C5orf47: variants seen among roughly 807,000 people sequenced by gnomAD.
C5orf47 encodes uncharacterized protein C5orf47.
A neutral mutation model predicts 20.6 loss-of-function variants in C5orf47; 20 were observed. That is an observed-to-expected ratio of 0.97 (90% CI 0.68 to 1.41). The LOEUF is 1.41. Ranked by LOEUF, C5orf47 falls within the 40% of genes most tolerant of loss-of-function variation. The pLI is 0.00. For synonymous variants in C5orf47, 106 were observed against 97.3 expected (o/e 1.09, Z -0.53); for missense variants, 262 against 238.4 (o/e 1.10, Z -0.65).
chr5:173,991,704 G>T (rs1215066877), intron 1 of C5orf47, among the ~76,000 whole-genome samples: 4 of 152,074 alleles, frequency 2.6e-5, no homozygotes, highest in African/African-American at 9.7e-5. Context: ...TACAGTGTTG[G>T]ATTCTGCTAA....
At chr5:174,001,945 TTC>T (rs1189129455) in intron 4 of C5orf47, among the ~76,000 whole-genome samples, 1 of 148,130 alleles carries the variant, frequency 6.8e-6, no homozygotes, top group Non-Finnish European at 1.5e-5. Flanking sequence ...GTTATCTTTT[TTC>T]TTTTTTTTTT....
downstream of C5orf47, among the ~76,000 whole-genome samples, chr5:174,009,268 G>T (rs1333939159): frequency 3.4e-5 from 5 of 146,882 alleles, no homozygotes; most frequent in Non-Finnish European, 3.1e-5. Context: ...TAAGAAAACG[G>T]AATGATGGCC....
chr5:173,994,827 G>GTTTTT (rs780338195), intron 1 of C5orf47, among the ~76,000 whole-genome samples: 2 of 152,002 alleles, frequency 1.3e-5, no homozygotes, highest in South Asian at 4.1e-4. Context: ...TTTTGTTTTT[G>GTTTTT]TTTTGAGACA....
In C5orf47 at chr5:173,989,586, C is replaced by T; in HGVS notation, c.323C>T (p.Ala108Val). ...AGCGGCACCAGACAGTCGGCGCGTG[C>T]AGGTGGTGCAGCGGGGCAGGGCGGG... ...VQSGTRQSAR[A>V]GLIQKDAAKK... is the part of the protein sequence containing the mutation. Residue 108 changes from alanine (A) to valine (V), a missense_variant and splice_region_variant, in exon 1 of 5, where the codon GCA (alanine) becomes GTA (valine). By Grantham distance (64) the Ala-to-Val change is moderately conservative (BLOSUM62 0). Transcript: ENST00000340147. The T allele has an allele frequency of 6.9e-7, 1 of 1,442,916 alleles. No homozygotes were observed. Among genetic ancestry groups the T allele is most frequent in the Non-Finnish European group, 9.1e-7 (1 of 1,098,710 alleles). 89.4% of individuals were successfully genotyped at this position (1,442,916 alleles called of 1,614,324 possible). A position where few individuals can be genotyped will look rare whatever the true frequency, so the allele number is the denominator to read the frequency against.
At chr5:173,994,246 A>G (rs1759050066) in intron 1 of C5orf47, among the ~76,000 whole-genome samples, 1 of 152,186 alleles carries the variant, frequency 6.6e-6, no homozygotes. Flanking sequence ...GGTGCATCTC[A>G]TCGATTTGCA....
intron 4 of C5orf47, among the ~76,000 whole-genome samples, chr5:174,003,946 C>G (rs1759242090): frequency 6.6e-6 from 1 of 152,156 alleles, no homozygotes; most frequent in Non-Finnish European, 1.5e-5. Flanking sequence ...AGTGTCTAGG[C>G]AATGGCCTTG....
intron 1 of C5orf47, 77 bp from the exon 2 acceptor site, chr5:173,998,076 A>C: frequency 1.2e-6 from 1 of 868,054 alleles, no homozygotes; most frequent in Non-Finnish European, 1.8e-6. Flanking sequence ...GACCTCAAGA[A>C]ACATTTATAT....
intron 2 of C5orf47, among the ~76,000 whole-genome samples, chr5:173,999,433 A>T (rs1296302600): frequency 1.3e-5 from 2 of 152,188 alleles, no homozygotes; most frequent in Non-Finnish European, 2.9e-5. Context: ...CTTTATAGTC[A>T]TTGCCTTTGA....
At chr5:174,000,421 A>C (rs1759174902) in intron 3 of C5orf47, among the ~76,000 whole-genome samples, 1 of 152,156 alleles carries the variant, frequency 6.6e-6, no homozygotes, top group South Asian at 2.1e-4. Flanking sequence ...AAGTTGGATA[A>C]AATTTATGTA....
At chr5:174,007,410 A>G (rs1405543464), downstream of C5orf47, among the ~76,000 whole-genome samples, 1 of 152,182 alleles carries the variant, frequency 6.6e-6, no homozygotes, top group Non-Finnish European at 1.5e-5. Flanking sequence ...GACAGTTGCC[A>G]TTGTTAGAGC....
intron 2 of C5orf47, 121 bp downstream of exon 2, chr5:173,998,359 C>A (rs755251777): frequency 3.5e-6 from 2 of 570,132 alleles, no homozygotes; most frequent in African/African-American, 1.9e-5. Context: ...ATTTAATTTT[C>A]TGAAATGAGA....
intron 1 of C5orf47, among the ~76,000 whole-genome samples, chr5:173,991,856 T>C (rs1759003744): frequency 6.6e-6 from 1 of 152,238 alleles, no homozygotes; most frequent in Non-Finnish European, 1.5e-5. Flanking sequence ...TCTATGCTCT[T>C]GGATAATTTA....
At chr5:173,992,044 A>G (rs1336621333) in intron 1 of C5orf47, among the ~76,000 whole-genome samples, 4 of 152,124 alleles carry the variant, frequency 2.6e-5, no homozygotes, top group Non-Finnish European at 5.9e-5. Context: ...TATTTCCTTA[A>G]GGAATTATCT....
At chr5:174,001,836 A>G (rs1052565854) in intron 4 of C5orf47, among the ~76,000 whole-genome samples, 1 of 151,922 alleles carries the variant, frequency 6.6e-6, no homozygotes, top group Admixed American at 6.6e-5. Context: ...TTACCCTTAA[A>G]TCTCATCCTA....
At chr5:173,994,815 G>GT in intron 1 of C5orf47, among the ~76,000 whole-genome samples, 1 of 152,154 alleles carries the variant, frequency 6.6e-6, no homozygotes, top group South Asian at 2.1e-4. Context: ...CTTAATGTTT[G>GT]TTTTTGTTTT....
intron 2 of C5orf47, among the ~76,000 whole-genome samples, 167 bp from the exon 3 acceptor site, chr5:173,999,533 G>A (rs559476929): frequency 3.3e-5 from 5 of 152,190 alleles, no homozygotes; most frequent in South Asian, 4.1e-4. Context: ...TTCAGTGATC[G>A]TGGGTAAACA....
downstream of C5orf47, among the ~76,000 whole-genome samples, chr5:174,008,822 CAAAAAAAA>C (rs57488841): frequency 2.8e-4 from 21 of 75,452 alleles, no homozygotes; most frequent in Non-Finnish European, 5.8e-4. Context: ...GACTCCATCT[CAAAAAAAA>C]AAAAAAAAAA....
chr5:173,999,267 T>A (rs1759154200), intron 2 of C5orf47, among the ~76,000 whole-genome samples: 1 of 152,148 alleles, frequency 6.6e-6, no homozygotes, highest in African/African-American at 2.4e-5. Flanking sequence ...TACTATTGCT[T>A]TGGTATGTCC....
chr5:173,991,302 G>A (rs2113357197), intron 1 of C5orf47, among the ~76,000 whole-genome samples: 1 of 152,130 alleles, frequency 6.6e-6, no homozygotes, highest in East Asian at 1.9e-4. Flanking sequence ...GCCTGCAATA[G>A]ATTTATTTTG....
Sources: gnomAD v4.1 joint callset for allele counts (sites outside exome capture counted in the v4.1 genomes callset) on GRCh38, gnomAD v4.1.1 for gene constraint, MANE v1.5 for transcripts, NCBI Gene and HGNC (gene_info 2026-07-23, HGNC 2026-07-21) for gene names.